Variants in ACLY observed in about 807,000 individuals in gnomAD.
ACLY encodes the protein ATP-citrate synthase.
A neutral mutation model predicts 133.0 loss-of-function variants in ACLY; 41 were observed. The ratio of observed to expected loss-of-function variants is 0.31; its 90% confidence interval spans 0.24 to 0.40. The LOEUF is 0.40. Ranked by LOEUF, ACLY falls within the 10% of genes least tolerant of loss-of-function variation. The pLI is 1.00. For missense variants in ACLY, 1,046 were observed against 1,453.8 expected, an observed-to-expected ratio of 0.72 and a Z score of 4.56; for synonymous variants, 495 against 549.3, an observed-to-expected ratio of 0.90 and a Z score of 1.38.
chr17:41,893,154 T>C lies in ACLY; in HGVS notation c.1480A>G (p.Ser494Gly), dbSNP rs781908880. The change falls in exon 15 of 29, where the codon AGC becomes GGC. Residue 494 changes from serine to glycine, a missense_variant. Transcript: ENST00000352035. The part of the protein sequence containing the change: ...SLQGKSTTLF[S>G]RHTKAIVWGM... Reference sequence around the variant, plus strand: ...CACACAATGGCCTTGGTGTGGCGGCTGAAGAGGGTGGTGCTCTTTCCTGGT... The same window carrying C: ...CACACAATGGCCTTGGTGTGGCGGCCGAAGAGGGTGGTGCTCTTTCCTGGT... 6.2e-7 allele frequency: 1 copy of C among 1,613,470 alleles called. No individual in the cohort carries two copies. The highest frequency in any genetic ancestry group is 8.5e-7 in the Non-Finnish European group (1 of 1,179,692).
chr17:41,919,061 A>G (rs781970533), upstream of ACLY: 26 of 1,255,148 alleles, frequency 2.1e-5, no homozygotes, highest in Non-Finnish European at 2.7e-5. Flanking sequence ...CGCGTTCCCT[A>G]GCCTGAGCGC....
At chr17:41,921,469 C>A (rs1381361664), upstream of ACLY, among the ~76,000 whole-genome samples, 9 of 145,030 alleles carry the variant, frequency 6.2e-5, no homozygotes, top group Non-Finnish European at 9.0e-5. Flanking sequence ...CAGGGTGTGA[C>A]CCTGTCTCAG....
Position 41,906,528 on chromosome 17 carries a change from C to T in ACLY, c.866G>A (p.Ser289Asn). 1 of 1,613,894 alleles carries T rather than the reference C, an allele frequency of 6.2e-7. No homozygotes were observed. Among genetic ancestry groups the T allele is most frequent in the Non-Finnish European group, 8.5e-7 (1 of 1,179,834 alleles). ...VAGGGASVVY[S>N]DTICDLGGVN... is the part of the protein sequence containing the mutation. ...CCCTTCAGCAACCCCCTTCGGTCAC[C>T]TGTACACGACAGAGGCGCCACCCCC... Residue 289 changes from serine (S) to asparagine (N), a missense_variant and splice_region_variant, in exon 8 of 29, where the codon AGC becomes AAC. Transcript: ENST00000352035.
At chr17:41,913,344 A>G (rs567872850) in intron 2 of ACLY, among the ~76,000 whole-genome samples, 33 of 152,370 alleles carry the variant, frequency 2.2e-4, no homozygotes, top group African/African-American at 7.9e-4. Context: ...GCCAGGCACC[A>G]AGCACGCTAA....
chr17:41,916,865 C>G (rs1555634603), intron 1 of ACLY, among the ~76,000 whole-genome samples: 1 of 152,038 alleles, frequency 6.6e-6, no homozygotes, highest in Non-Finnish European at 1.5e-5. Flanking sequence ...ACATTTGCGG[C>G]CAGGCACGGT....
intron 1 of ACLY, among the ~76,000 whole-genome samples, chr17:41,917,284 G>A (rs1000132345): frequency 4.6e-5 from 7 of 152,082 alleles, no homozygotes; most frequent in Non-Finnish European, 1.0e-4. Flanking sequence ...ACAGATGATT[G>A]GGCTGAGCTT....
At chr17:41,887,853 C>G (rs1300652357) in intron 16 of ACLY, 150 bp from the exon 17 acceptor site, 4 of 635,168 alleles carry the variant, frequency 6.3e-6, no homozygotes, top group Non-Finnish European at 1.1e-5. Flanking sequence ...ATCAGCCGGG[C>G]GCGGTGGCTC....
At position 41,871,847 on chromosome 17, in the gene ACLY, A is replaced by AGTGCGTG; in HGVS notation, c.2794-22_2794-16dup. On this transcript the variant is annotated splice_polypyrimidine_tract_variant and intron_variant, in intron 24 of 28. Transcript: ENST00000352035. ...AACCGATCCCCCTGGAGGAGAAACA[A>AGTGCGTG]GTGCGTGTTGCCTTGAGCTTTAAGA... 1 of 1,613,468 alleles carries AGTGCGTG rather than the reference A, an allele frequency of 6.2e-7. No homozygotes were observed. Among genetic ancestry groups the AGTGCGTG allele is most frequent in the Non-Finnish European group, 8.5e-7 (1 of 1,179,968 alleles).
intron 20 of ACLY, among the ~76,000 whole-genome samples, chr17:41,881,012 G>C (rs1019591417): frequency 6.6e-6 from 1 of 152,068 alleles, no homozygotes; most frequent in Non-Finnish European, 1.5e-5. Context: ...GGGGTGGAAA[G>C]GGGGAGGGGC....
intron 1 of ACLY, among the ~76,000 whole-genome samples, chr17:41,917,212 G>C (rs2050075017): frequency 1.3e-5 from 2 of 151,964 alleles, no homozygotes. Flanking sequence ...CTGGGTTTGG[G>C]ACCGCTCCCC....
At chr17:41,889,994 CAGT>C (rs1332637904) in intron 16 of ACLY, among the ~76,000 whole-genome samples, 1 of 152,134 alleles carries the variant, frequency 6.6e-6, no homozygotes, top group African/African-American at 2.4e-5. Context: ...CCTTCTGATG[CAGT>C]AGTTCAACTT....
intron 10 of ACLY, 106 bp downstream of exon 10, chr17:41,904,623 G>T: frequency 9.3e-7 from 1 of 1,080,954 alleles, no homozygotes; most frequent in Non-Finnish European, 1.4e-6. Context: ...CCTGACCTGG[G>T]AACTCATGGT....
At chr17:41,917,837 G>C (rs1390495611) in intron 1 of ACLY, among the ~76,000 whole-genome samples, 2 of 152,054 alleles carry the variant, frequency 1.3e-5, no homozygotes, top group Non-Finnish European at 2.9e-5. Context: ...AGGTTTCTAA[G>C]AGGTGAAAAT....
In ACLY at chr17:41,897,881, A is replaced by G. The variant is rs189703641; in HGVS notation, c.1339-42T>C. 5.0e-4 allele frequency: 788 copies of G among 1,564,658 alleles called. 6 individuals carry two copies. The African/African-American group carries it at 0.01, about 20-fold the overall frequency. On this transcript the variant is annotated intron_variant, in intron 12 of 28. Coordinates refer to ENST00000352035, the MANE Select transcript of ACLY (RefSeq NM_001096.3). ...AGAGAGTGTAAGAGGTAAGAGTCACACCTGGGAAAAAAGCCACTGGTCCTT... is the reference window on the plus strand; with the variant it reads ...AGAGAGTGTAAGAGGTAAGAGTCACGCCTGGGAAAAAAGCCACTGGTCCTT...
At chr17:41,876,392 C>T (rs1475207182) in intron 22 of ACLY, among the ~76,000 whole-genome samples, 1 of 152,168 alleles carries the variant, frequency 6.6e-6, no homozygotes, top group Non-Finnish European at 1.5e-5. Flanking sequence ...TCTGCCCGGC[C>T]ACCACCCTGT....
At chr17:41,902,919 G>A (rs1346073448) in intron 10 of ACLY, among the ~76,000 whole-genome samples, 7 of 152,046 alleles carry the variant, frequency 4.6e-5, no homozygotes, top group African/African-American at 1.7e-4. Context: ...CTCAACCTCC[G>A]GGGCTCAAGC....
chr17:41,909,475 G>T, intron 5 of ACLY, 35 bp downstream of exon 5: 1 of 1,603,706 alleles, frequency 6.2e-7, no homozygotes, highest in Non-Finnish European at 8.5e-7. Flanking sequence ...CTTCTCATCC[G>T]AACTGCCACC....
At chr17:41,917,605 A>G (rs1371866709) in intron 1 of ACLY, among the ~76,000 whole-genome samples, 2 of 151,920 alleles carry the variant, frequency 1.3e-5, no homozygotes, top group Non-Finnish European at 2.9e-5. Context: ...AGACAAAAAC[A>G]CTCATTTGAA....
intron 16 of ACLY, among the ~76,000 whole-genome samples, chr17:41,889,392 G>A (rs1339581912): frequency 1.3e-5 from 2 of 151,326 alleles, no homozygotes; most frequent in African/African-American, 2.4e-5. Context: ...GGTGGCAGGC[G>A]CCTGTAGTCC....
Sources: allele counts gnomAD v4.1 joint callset (sites outside exome capture counted in the v4.1 genomes callset), GRCh38; gene constraint gnomAD v4.1.1; transcripts MANE v1.5; gene names NCBI Gene and HGNC (gene_info 2026-07-23, HGNC 2026-07-21).